AGAP1: variants seen among roughly 807,000 people sequenced by gnomAD.
AGAP1 encodes the protein ArfGAP with GTPase domain, ankyrin repeat and PH domain 1, also known as arf-GAP with GTPase, ANK repeat and PH domain-containing protein 1.
A neutral mutation model predicts 105.3 loss-of-function variants in AGAP1; 29 were observed. The observed-to-expected ratio is 0.28, with a 90% CI of 0.21 to 0.38. AGAP1 has a LOEUF of 0.38. Among genes scored for constraint, AGAP1 ranks in the 10% least tolerant of loss-of-function variants. The probability of loss-of-function intolerance (pLI) is 1.00; values close to 1 mark genes in which losing one functional copy is unlikely to be tolerated. For missense variants in AGAP1, 998 were observed against 1,165.1 expected (o/e 0.86, Z 2.09); for synonymous variants, 509 against 485.9 (o/e 1.05, Z -0.63).
Position 235,734,130 on chromosome 2 carries a change from A to G in AGAP1, c.311-6833A>G, listed in dbSNP as rs1459327577. ...GAGGGCTGATTGTCCTTTTCAAGGT[A>G]TCCATCTCATCCCACTTGTTAAAAA... On this transcript the variant is annotated intron_variant, in intron 3 of 17. Coordinates refer to ENST00000304032, the MANE Select transcript of AGAP1 (RefSeq NM_001037131.3). The surrounding 1 kb of genome is among the most constrained non-coding windows in gnomAD (Gnocchi z 5.3). Among the ~76,000 whole-genome samples, 2 of 152,350 alleles carry G rather than the reference A, an allele frequency of 1.3e-5. No individual in the cohort carries two copies. The highest frequency in any genetic ancestry group is 4.8e-5 in the African/African-American group (2 of 41,572).
intron 9 of AGAP1, among the ~76,000 whole-genome samples, chr2:235,849,543 A>T (rs1338920251): frequency 6.6e-6 from 1 of 151,902 alleles, no homozygotes; most frequent in Non-Finnish European, 1.5e-5. Context: ...TTCATGTGTG[A>T]CTCTGGAGGG....
intron 13 of AGAP1, among the ~76,000 whole-genome samples, chr2:236,008,329 C>T (rs1438142784): frequency 6.6e-6 from 1 of 152,182 alleles, no homozygotes; most frequent in African/African-American, 2.4e-5. Flanking sequence ...ACAAGCCATC[C>T]TCCAAAAAAG....
intron 1 of AGAP1, among the ~76,000 whole-genome samples, chr2:235,694,901 GCTT>G (rs1419967485): frequency 2.0e-5 from 3 of 152,164 alleles, no homozygotes; most frequent in African/African-American, 7.2e-5. Flanking sequence ...GGGGGTTCCG[GCTT>G]CTTCGCAGTT....
At chr2:235,859,998 C>G (rs2048859707) in intron 9 of AGAP1, among the ~76,000 whole-genome samples, 1 of 152,194 alleles carries the variant, frequency 6.6e-6, no homozygotes, top group Non-Finnish European at 1.5e-5. Context: ...GGTTACCTTC[C>G]CCTCCCAGCC....
At chr2:236,052,115 G>A (rs1395459209) in intron 16 of AGAP1, among the ~76,000 whole-genome samples, 1 of 152,010 alleles carries the variant, frequency 6.6e-6, no homozygotes, top group African/African-American at 2.4e-5. Flanking sequence ...CTTTTAATGT[G>A]GCCCTGAGGT....
At chr2:235,837,650 A>G (rs565184792) in intron 9 of AGAP1, among the ~76,000 whole-genome samples, 1 of 152,338 alleles carries the variant, frequency 6.6e-6, no homozygotes, top group African/African-American at 2.4e-5. Context: ...AGGAGGTGGC[A>G]TATAACAACA....
intron 1 of AGAP1, among the ~76,000 whole-genome samples, chr2:235,628,350 T>C (rs746258344): frequency 3.9e-5 from 6 of 152,180 alleles, no homozygotes; most frequent in Non-Finnish European, 8.8e-5. Context: ...GCCCTGTGCT[T>C]GTTCCTGTCC....
intron 2 of AGAP1, among the ~76,000 whole-genome samples, chr2:235,713,722 G>T (rs1950960292): frequency 1.3e-5 from 2 of 152,184 alleles, no homozygotes; most frequent in African/African-American, 2.4e-5. Context: ...GTCTCTTCTG[G>T]CTCCTGTAAC....
At chr2:235,890,708 A>C (rs902824234) in intron 10 of AGAP1, among the ~76,000 whole-genome samples, 3 of 152,196 alleles carry the variant, frequency 2.0e-5, no homozygotes, top group African/African-American at 7.2e-5. Context: ...GAAGGTAGAC[A>C]TTGGGAAACT....
At chr2:235,895,480 C>T (rs1050133028) in intron 10 of AGAP1, among the ~76,000 whole-genome samples, 17 of 152,168 alleles carry the variant, frequency 1.1e-4, no homozygotes, top group African/African-American at 4.1e-4. Flanking sequence ...TTTTCTGCCC[C>T]ATCTCTTTGC....
At chr2:235,643,457 A>AAAAAAAAAAAAAAAAG (rs1553595203) in intron 1 of AGAP1, among the ~76,000 whole-genome samples, 25 of 140,392 alleles carry the variant, frequency 1.8e-4, no homozygotes, top group African/African-American at 6.5e-4. Context: ...AAAAAAAAAA[A>AAAAAAAAAAAAAAAAG]AAAGAAAGAA....
In AGAP1 at chr2:235,919,924, A is replaced by G. The variant is rs949386725; in HGVS notation, c.1325-10841A>G. 1.3e-5 allele frequency among the ~76,000 whole-genome samples: 2 copies of G among 152,228 alleles called. No homozygotes were observed. The highest frequency in any genetic ancestry group is 4.8e-5 in the African/African-American group (2 of 41,466). On this transcript the variant is annotated intron_variant, in intron 11 of 17. Coordinates refer to ENST00000304032, the MANE Select transcript of AGAP1 (RefSeq NM_001037131.3). This position sits in a 1 kb window ranked among gnomAD's most constrained non-coding sequence, Gnocchi z 4.1. ...GATTGTGGCCAAGACAAGCCGTACGATGGCGCTCTCCATAAACACTGTCGG... is the reference window on the plus strand; with the variant it reads ...GATTGTGGCCAAGACAAGCCGTACGGTGGCGCTCTCCATAAACACTGTCGG...
chr2:235,976,626 A>G lies in AGAP1; in HGVS notation c.1645+8003A>G, dbSNP rs2054871162. ...GTTCATTGAGCACCTACTGCACGCA[A>G]GAGTTTTGTCTGATGCTGGATGGGA... On this transcript the variant is annotated intron_variant, in intron 13 of 17. Transcript: ENST00000304032. The surrounding 1 kb of genome is among the most constrained non-coding windows in gnomAD (Gnocchi z 4.5). Among the ~76,000 whole-genome samples the G allele has an allele frequency of 1.3e-5, 2 of 152,200 alleles. No homozygotes were observed.
chr2:235,876,114 T>C (rs2049713898), intron 9 of AGAP1, among the ~76,000 whole-genome samples: 1 of 152,232 alleles, frequency 6.6e-6, no homozygotes, highest in Non-Finnish European at 1.5e-5. Flanking sequence ...GAGGTGTGCA[T>C]TGCCTTCTGT....
chr2:235,837,904 C>T (rs967970951), intron 9 of AGAP1, among the ~76,000 whole-genome samples: 3 of 151,864 alleles, frequency 2.0e-5, no homozygotes, highest in African/African-American at 7.3e-5. Flanking sequence ...ATGTCAGAGC[C>T]GGGGGTGGTG....
chr2:235,821,733 C>T lies in AGAP1; in HGVS notation c.1050+14402C>T, dbSNP rs115135780. On this transcript the variant is annotated intron_variant, in intron 9 of 17. Transcript: ENST00000304032. ...TCTATAGGCCTTCTTCACATTTTAC[C>T]AGTTTTTCCTGAAATGTTCTTTTTA... Among the ~76,000 whole-genome samples the T allele has an allele frequency of 5.9e-3, 905 of 152,136 alleles. 5 individuals carry two copies. The highest frequency in any genetic ancestry group is 0.02 in the African/African-American group (835 of 41,488).
chr2:236,055,232 G>T lies in AGAP1; in HGVS notation c.2114+5951G>T, dbSNP rs1259423494. ...TTTTAATCAGCCTGTCTTCTACTCC[G>T]GCGATCAGAGTTAACAATTATAGCA... On this transcript the variant is annotated intron_variant, in intron 16 of 17. Coordinates refer to ENST00000304032, the MANE Select transcript of AGAP1 (RefSeq NM_001037131.3). This position sits in a 1 kb window ranked among gnomAD's most constrained non-coding sequence, Gnocchi z 6.2. Among the ~76,000 whole-genome samples the T allele has an allele frequency of 6.6e-6, 1 of 151,992 alleles. No individual in the cohort carries two copies. Among genetic ancestry groups the T allele is most frequent in the Non-Finnish European group, 1.5e-5 (1 of 68,008 alleles).
chr2:236,013,592 G>A (rs557177119), intron 13 of AGAP1, among the ~76,000 whole-genome samples: 79 of 82,168 alleles, frequency 9.6e-4, no homozygotes, highest in African/African-American at 6.3e-3. Flanking sequence ...GGGCCTGCCC[G>A]TCCAGATAAG....
rs1045236839 is a variant in AGAP1 at position 235,872,624 on chromosome 2, G to T, written c.1051-10721G>T. On this transcript the variant is annotated intron_variant, in intron 9 of 17. Coordinates refer to ENST00000304032, the MANE Select transcript of AGAP1 (RefSeq NM_001037131.3). This position sits in a 1 kb window ranked among gnomAD's most constrained non-coding sequence, Gnocchi z 4.5. ...AAGTTTCAAATGAACTATTTTTAGG[G>T]TTTTCCATTTTCTTGGTCCTTAGAG... Among the ~76,000 whole-genome samples, 4 of 152,186 alleles carry T rather than the reference G, an allele frequency of 2.6e-5. No individual in the cohort carries two copies. Among genetic ancestry groups the T allele is most frequent in the Non-Finnish European group, 2.9e-5 (2 of 68,036 alleles).
Sources: gnomAD v4.1 joint callset for allele counts (sites outside exome capture counted in the v4.1 genomes callset) on GRCh38, gnomAD v4.1.1 for gene constraint, Gnocchi (gnomAD v3.1) non-coding constraint, MANE v1.5 for transcripts, NCBI Gene and HGNC (gene_info 2026-07-23, HGNC 2026-07-21) for gene names.